The following CADPS variants were observed in gnomAD, a reference collection of about 807,000 sequenced individuals.
CADPS encodes calcium dependent secretion activator, also known as calcium-dependent secretion activator 1.
In CADPS, 57 loss-of-function variants were observed where a neutral mutation model predicts 167.3. That is an observed-to-expected ratio of 0.34 (90% confidence interval 0.28 to 0.42). The LOEUF is 0.42. Among genes scored for constraint, CADPS ranks in the 20% least tolerant of loss-of-function variants. The pLI is 1.00. For missense variants in CADPS, 1,414 were observed against 1,738.1 expected, an observed-to-expected ratio of 0.81 and a Z score of 3.32; for synonymous variants, 676 against 635.3, an observed-to-expected ratio of 1.06 and a Z score of -0.96.
At chr3:62,528,469 T>G (rs1471074171) in intron 13 of CADPS, among the ~76,000 whole-genome samples, 1 of 152,236 alleles carries the variant, frequency 6.6e-6, no homozygotes, top group Non-Finnish European at 1.5e-5. Context: ...ATCCTTATTT[T>G]AATTAAACTT....
At chr3:62,742,324 C>A (rs1211455139) in intron 3 of CADPS, among the ~76,000 whole-genome samples, 1 of 151,906 alleles carries the variant, frequency 6.6e-6, no homozygotes, top group African/African-American at 2.4e-5. Flanking sequence ...CCAAGGAAAT[C>A]CTACCAAAAA....
intron 23 of CADPS, 42 bp from the exon 24 acceptor site, chr3:62,474,362 T>A (rs760213417): frequency 6.3e-7 from 1 of 1,590,092 alleles, no homozygotes; most frequent in Admixed American, 1.7e-5. Context: ...AGCGTTCAGA[T>A]GGCAGCAGGT....
At chr3:62,683,269 A>G (rs1176173220) in intron 3 of CADPS, among the ~76,000 whole-genome samples, 1 of 152,200 alleles carries the variant, frequency 6.6e-6, no homozygotes, top group African/African-American at 2.4e-5. Context: ...TGAGCATTAC[A>G]TAAACATCAT....
intron 3 of CADPS, among the ~76,000 whole-genome samples, chr3:62,738,489 C>T (rs143514554): frequency 0.015 from 2,324 of 152,032 alleles, 61 homozygotes; most frequent in African/African-American, 0.053. Context: ...TTTGGGAGGC[C>T]GAGGCAGGTG....
intron 1 of CADPS, among the ~76,000 whole-genome samples, chr3:62,800,263 C>T (rs2152801128): frequency 6.6e-6 from 1 of 152,226 alleles, no homozygotes; most frequent in East Asian, 1.9e-4. Context: ...ACACCCTTCT[C>T]AGTTCTTTAA....
rs185018748 is a variant in CADPS at position 62,658,441 on chromosome 3, G to T, written c.969+3873C>A. On this transcript the variant is annotated intron_variant, in intron 4 of 29. Transcript: ENST00000383710. ...GGGCCTATATCTGGGAATATATTTT[G>T]CAATGATAGTATGCATACTGGTTAA... 3.0e-3 allele frequency among the ~76,000 whole-genome samples: 457 copies of T among 152,192 alleles called. 2 individuals carry two copies. The highest frequency in any genetic ancestry group is 0.01 in the African/African-American group (435 of 41,528).
intron 1 of CADPS, among the ~76,000 whole-genome samples, chr3:62,819,400 CTG>C (rs1365425398): frequency 6.2e-5 from 8 of 128,618 alleles, no homozygotes; most frequent in African/African-American, 1.6e-4. Context: ...CAATGACAAT[CTG>C]TGTGCGTGTG....
intron 26 of CADPS, among the ~76,000 whole-genome samples, chr3:62,464,997 A>T (rs1414887860): frequency 1.3e-5 from 2 of 152,204 alleles, no homozygotes; most frequent in East Asian, 3.8e-4. Flanking sequence ...GCAGGTCTTC[A>T]TTTAAAACTC....
intron 17 of CADPS, chr3:62,500,010 G>GA (rs1229454908): frequency 2.0e-5 from 3 of 152,184 alleles, no homozygotes; most frequent in Admixed American, 2.0e-4. Context: ...AGAAGAATCT[G>GA]AACCCTGGCT....
At chr3:62,652,419 A>T (rs531292744) in intron 4 of CADPS, among the ~76,000 whole-genome samples, 40 of 150,106 alleles carry the variant, frequency 2.7e-4, no homozygotes, top group Admixed American at 9.2e-4. Flanking sequence ...AAAAAAAAAA[A>T]AAAATAAGCT....
intron 1 of CADPS, among the ~76,000 whole-genome samples, chr3:62,771,581 G>A (rs1458203720): frequency 6.6e-6 from 1 of 152,120 alleles, no homozygotes. Context: ...GCTTTGATGA[G>A]CCGCTTAGAG....
At chr3:62,855,935 AT>A (rs759723738) in intron 1 of CADPS, among the ~76,000 whole-genome samples, 6 of 152,150 alleles carry the variant, frequency 3.9e-5, no homozygotes, top group Non-Finnish European at 5.9e-5. Context: ...AATTTAATAT[AT>A]TTTTAGACAG....
In CADPS at chr3:62,753,888, G is replaced by A; in HGVS notation, c.556-115C>T. 1 of 976,972 alleles carries A rather than the reference G, an allele frequency of 1.0e-6. No homozygotes were observed. Among genetic ancestry groups the A allele is most frequent in the Non-Finnish European group, 1.5e-6 (1 of 664,830 alleles). 60.5% of individuals were successfully genotyped at this position (976,972 alleles called of 1,614,324 possible). A position where few individuals can be genotyped will look rare whatever the true frequency, so the allele number is the denominator to read the frequency against. The stretch of plus-strand genomic sequence containing the variant: ...CACGTGCATCCCAGGAGGAACCACT[G>A]TGGGTCTCACCCTGCCCCACCACCT... On this transcript the variant is annotated intron_variant, in intron 2 of 29. Transcript: ENST00000383710. This position sits in a 1 kb window ranked among gnomAD's most constrained non-coding sequence, Gnocchi z 4.6.
chr3:62,704,562 C>G (rs953849434), intron 3 of CADPS, among the ~76,000 whole-genome samples: 1 of 152,152 alleles, frequency 6.6e-6, no homozygotes, highest in Non-Finnish European at 1.5e-5. Flanking sequence ...TTTTACCTGG[C>G]TGGCTTCCTT....
intron 6 of CADPS, among the ~76,000 whole-genome samples, chr3:62,600,442 T>C (rs2059792061): frequency 6.6e-6 from 1 of 152,184 alleles, no homozygotes; most frequent in African/African-American, 2.4e-5. Context: ...CCTCCAAAGA[T>C]GAAGGAATGT....
intron 1 of CADPS, among the ~76,000 whole-genome samples, chr3:62,840,441 A>G (rs1184024762): frequency 6.6e-6 from 1 of 152,238 alleles, no homozygotes; most frequent in Non-Finnish European, 1.5e-5. Flanking sequence ...CACAAGAACC[A>G]GATCACCATG....
intron 6 of CADPS, among the ~76,000 whole-genome samples, chr3:62,619,974 G>C (rs770033646): frequency 6.6e-6 from 1 of 152,042 alleles, no homozygotes; most frequent in Non-Finnish European, 1.5e-5. Context: ...TGTTGCCTTT[G>C]TTTGGCATGC....
At chr3:62,762,520 G>T (rs1296210509) in intron 2 of CADPS, among the ~76,000 whole-genome samples, 1 of 151,966 alleles carries the variant, frequency 6.6e-6, no homozygotes, top group African/African-American at 2.4e-5. Context: ...AGTCTGGCAT[G>T]GTGGCATGCA....
chr3:62,495,895 T>C (rs889957263), intron 18 of CADPS, among the ~76,000 whole-genome samples: 4 of 152,162 alleles, frequency 2.6e-5, no homozygotes, highest in African/African-American at 9.7e-5. Flanking sequence ...ATTTCTTTTC[T>C]TGGGACATTT....
Sources: gnomAD v4.1 joint callset for allele counts (sites outside exome capture counted in the v4.1 genomes callset) on GRCh38, gnomAD v4.1.1 for gene constraint, Gnocchi (gnomAD v3.1) non-coding constraint, MANE v1.5 for transcripts, NCBI Gene and HGNC (gene_info 2026-07-23, HGNC 2026-07-21) for gene names.